PTPRK: variants seen among roughly 807,000 people sequenced by gnomAD.
The protein encoded by PTPRK is receptor-type tyrosine-protein phosphatase kappa.
Under a neutral mutation model 178.0 loss-of-function variants are expected in PTPRK, and 75 were observed. The ratio of observed to expected loss-of-function variants is 0.42; its 90% CI spans 0.35 to 0.51. PTPRK has a LOEUF of 0.51. Among genes scored for constraint, PTPRK ranks in the 20% least tolerant of loss-of-function variants. PTPRK has a pLI of 0.02. For synonymous variants in PTPRK, 637 were observed against 620.6 expected, an observed-to-expected ratio of 1.03 and a Z score of -0.39; for missense variants, 1,441 against 1,797.8, an observed-to-expected ratio of 0.80 and a Z score of 3.59.
chr6:128,482,867 A>G (rs1176355203), intron 1 of PTPRK, among the ~76,000 whole-genome samples: 1 of 152,122 alleles, frequency 6.6e-6, no homozygotes, highest in Non-Finnish European at 1.5e-5. Context: ...CATTAAGCCA[A>G]TGAAGAGTTA....
At chr6:128,422,696 A>AC (rs1843632900) in intron 1 of PTPRK, among the ~76,000 whole-genome samples, 2 of 151,100 alleles carry the variant, frequency 1.3e-5, no homozygotes, top group East Asian at 1.9e-4. Context: ...AAAAAAAAAA[A>AC]AAAAAAAACC....
chr6:128,131,111 A>G (rs1284660411), intron 7 of PTPRK, among the ~76,000 whole-genome samples: 2 of 152,212 alleles, frequency 1.3e-5, no homozygotes, highest in Non-Finnish European at 2.9e-5. Flanking sequence ...TACATTGAAG[A>G]GAAAAATCAA....
In PTPRK at chr6:128,414,779, C is replaced by T. The variant is rs1005746179; in HGVS notation, c.101-17091G>A. 4.6e-5 allele frequency among the ~76,000 whole-genome samples: 7 copies of T among 152,130 alleles called. 1 individual carries two copies. The South Asian group carries it at 8.3e-4, about 18-fold the overall frequency. On this transcript the variant is annotated intron_variant, in intron 1 of 29. Coordinates refer to ENST00000368226, the MANE Select transcript of PTPRK (RefSeq NM_002844.4). The stretch of plus-strand genomic sequence containing the variant: ...TTATGTGTTCAGACTGTAGGTGGTA[C>T]TTTCACTTAATATTTACAAGTGTTT...
chr6:128,428,436 G>A (rs1004253662), intron 1 of PTPRK, among the ~76,000 whole-genome samples: 1 of 152,152 alleles, frequency 6.6e-6, no homozygotes, highest in Non-Finnish European at 1.5e-5. Flanking sequence ...ACTGTTCTAA[G>A]CATACTGAGA....
intron 13 of PTPRK, among the ~76,000 whole-genome samples, chr6:128,023,177 T>C (rs1020762585): frequency 2.6e-5 from 4 of 152,162 alleles, no homozygotes; most frequent in Non-Finnish European, 4.4e-5. Flanking sequence ...TCGATAAAGC[T>C]ATCCAATAAA....
intron 1 of PTPRK, among the ~76,000 whole-genome samples, chr6:128,399,674 G>A: frequency 6.6e-6 from 1 of 152,156 alleles, no homozygotes; most frequent in Non-Finnish European, 1.5e-5. Context: ...AATAGTGTGA[G>A]TGCCCTCTGT....
intron 11 of PTPRK, among the ~76,000 whole-genome samples, chr6:128,075,913 G>A (rs565883421): frequency 6.6e-6 from 1 of 152,040 alleles, no homozygotes; most frequent in Admixed American, 6.6e-5. Context: ...AATTAGGGAA[G>A]GACAGAACCC....
chr6:128,017,419 G>T (rs1013571168), intron 13 of PTPRK, among the ~76,000 whole-genome samples: 6 of 151,662 alleles, frequency 4.0e-5, no homozygotes, highest in East Asian at 1.9e-4. Context: ...ACCTTTGATT[G>T]TGAGTTAATT....
intron 6 of PTPRK, among the ~76,000 whole-genome samples, chr6:128,197,258 T>TA (rs1805045601): frequency 6.6e-6 from 1 of 150,690 alleles, no homozygotes; most frequent in Non-Finnish European, 1.5e-5. Flanking sequence ...GTTTGTTACA[T>TA]AGGTATACAT....
At chr6:128,069,799 A>G (rs990062119) in intron 11 of PTPRK, among the ~76,000 whole-genome samples, 11 of 152,136 alleles carry the variant, frequency 7.2e-5, no homozygotes, top group African/African-American at 2.7e-4. Context: ...CTACATTACA[A>G]ATTAAGGATA....
intron 13 of PTPRK, among the ~76,000 whole-genome samples, chr6:128,025,964 T>C (rs574477256): frequency 1.3e-5 from 2 of 152,340 alleles, no homozygotes; most frequent in African/African-American, 2.4e-5. Flanking sequence ...TTACAGCTTA[T>C]TGGGATTAGG....
At chr6:128,266,234 A>G (rs1256593630) in intron 3 of PTPRK, among the ~76,000 whole-genome samples, 5 of 152,176 alleles carry the variant, frequency 3.3e-5, no homozygotes, top group Non-Finnish European at 5.9e-5. Context: ...GAAGAGCAAA[A>G]GGTCCTGAGG....
intron 13 of PTPRK, among the ~76,000 whole-genome samples, chr6:128,028,899 C>T (rs1774792125): frequency 6.6e-6 from 1 of 152,106 alleles, no homozygotes; most frequent in African/African-American, 2.4e-5. Flanking sequence ...TAATTCTACT[C>T]CCCAATTCTG....
intron 7 of PTPRK, among the ~76,000 whole-genome samples, chr6:128,125,602 CTTTTTTTTTTTTTTTT>C (rs869038931): frequency 1.8e-4 from 12 of 68,334 alleles, no homozygotes; most frequent in East Asian, 4.0e-4. Flanking sequence ...TTGGGCTTTT[CTTTTTTTTTTTTTTTT>C]TTTTTTTTTT....
intron 3 of PTPRK, among the ~76,000 whole-genome samples, chr6:128,304,856 A>AT (rs542808408): frequency 3.3e-5 from 5 of 152,170 alleles, no homozygotes; most frequent in Admixed American, 6.5e-5. Context: ...ACAAGAAACT[A>AT]TTTTTTTAAT....
At chr6:128,165,013 A>G (rs1799198436) in intron 7 of PTPRK, among the ~76,000 whole-genome samples, 1 of 151,304 alleles carries the variant, frequency 6.6e-6, no homozygotes. Context: ...AGTCCTTCAT[A>G]CAAATTTTAC....
In PTPRK at chr6:128,089,816, G is replaced by A. The variant is rs1262079112; in HGVS notation, c.1339C>T (p.Pro447Ser). ...TTCACAACATGCTGAGGGGCTTTGG[G>A]GTCCATGTCCAAACAGTCTGCCTTG... The part of the protein sequence containing the change: ...ESKADCLDMD[P>S]KAPQHVVNHL... The change falls in exon 8 of 30, where the codon CCC (proline) becomes TCC (serine). Residue 447 changes from proline (P) to serine (S), a missense_variant. Around this residue, in one of 4 missense-constraint regions of PTPRK, gnomAD observed 945 missense variants for 1,080.6 expected, o/e 0.87. Coordinates refer to ENST00000368226, the MANE Select transcript of PTPRK (RefSeq NM_002844.4). 6.2e-7 allele frequency: 1 copy of A among 1,613,912 alleles called. No homozygotes were observed. The highest frequency in any genetic ancestry group is 2.2e-5 in the East Asian group (1 of 44,870).
chr6:128,210,022 T>C (rs1315887133), intron 6 of PTPRK, among the ~76,000 whole-genome samples: 1 of 152,158 alleles, frequency 6.6e-6, no homozygotes, highest in Non-Finnish European at 1.5e-5. Flanking sequence ...ACAGTCACTC[T>C]GGCTTCTGTG....
At chr6:128,152,209 G>A (rs927657670) in intron 7 of PTPRK, among the ~76,000 whole-genome samples, 1 of 152,064 alleles carries the variant, frequency 6.6e-6, no homozygotes, top group Non-Finnish European at 1.5e-5. Flanking sequence ...TCAAAGGGAA[G>A]ATTTGTAGCT....
Sources: allele counts gnomAD v4.1 joint callset (sites outside exome capture counted in the v4.1 genomes callset), GRCh38; gene constraint gnomAD v4.1.1; regional missense constraint gnomAD v4.1.1; transcripts MANE v1.5; gene names NCBI Gene and HGNC (gene_info 2026-07-23, HGNC 2026-07-21).